MSMO1: variants seen among roughly 807,000 people sequenced by gnomAD.
MSMO1 encodes C-4 methylsterol oxidase.
MSMO1 carries 18 observed loss-of-function variants against 30.4 expected under a neutral mutation model. That is an observed-to-expected ratio of 0.59 (90% CI 0.41 to 0.88). The LOEUF is 0.88. MSMO1 is among the 40% of genes least tolerant of loss of function. MSMO1 has a pLI of 0.00. For missense variants in MSMO1, 284 were observed against 340.5 expected (o/e 0.83, Z 1.31); for synonymous variants, 84 against 107.9 (o/e 0.78, Z 1.37).
At chr4:165,339,121 T>TTTTTTA (rs869039733) in intron 4 of MSMO1, among the ~76,000 whole-genome samples, 5 of 146,790 alleles carry the variant, frequency 3.4e-5, no homozygotes, top group African/African-American at 5.0e-5. Context: ...TTTTTTTTTT[T>TTTTTTA]GAGATAGAGT....
At position 165,342,095 on chromosome 4, in the gene MSMO1, T is replaced by C; in HGVS notation, c.*149T>C. The C allele has an allele frequency of 1.5e-6, 1 of 661,328 alleles. No individual in the cohort carries two copies. Among genetic ancestry groups the C allele is most frequent in the Middle Eastern group, 4.1e-4 (1 of 2,438 alleles). 41.0% of individuals were successfully genotyped at this position (661,328 alleles called of 1,614,324 possible). ...TAACAACCTTTAATTACCTTCCTAG[T>C]GGGAACTTTTTCTACTTTACCTACA... On this transcript the variant is annotated 3_prime_UTR_variant, in exon 6 of 6. Coordinates refer to ENST00000261507, the MANE Select transcript of MSMO1 (RefSeq NM_006745.5).
At chr4:165,330,280 A>C (rs1229734171) in intron 1 of MSMO1, among the ~76,000 whole-genome samples, 1 of 152,208 alleles carries the variant, frequency 6.6e-6, no homozygotes, top group Admixed American at 6.5e-5. Flanking sequence ...TACCTACCTC[A>C]CGAAGGTGTG....
At chr4:165,328,020 C>T (rs949474240) in intron 1 of MSMO1, 5 of 152,282 alleles carry the variant, frequency 3.3e-5, no homozygotes, top group African/African-American at 9.7e-5. Context: ...GTTTCTTGCC[C>T]TTTAAAATGT....
chr4:165,333,289 T>C, intron 1 of MSMO1, 51 bp from the exon 2 acceptor site: 2 of 1,460,100 alleles, frequency 1.4e-6, no homozygotes, highest in South Asian at 1.3e-5. Context: ...AACTGTTTTA[T>C]TTTTTGAAAG....
intron 4 of MSMO1, 38 bp from the exon 5 acceptor site, chr4:165,340,183 A>T: frequency 6.3e-6 from 10 of 1,598,988 alleles, no homozygotes; most frequent in Non-Finnish European, 6.8e-6. Context: ...CCATCACAAT[A>T]GCTAAGAAAT....
In MSMO1 at chr4:165,329,034, G is replaced by A. The variant is rs558631774; in HGVS notation, c.-32+1270G>A. On this transcript the variant is annotated intron_variant, in intron 1 of 5. Coordinates refer to ENST00000261507, the MANE Select transcript of MSMO1 (RefSeq NM_006745.5). ...AGTAAACTTGGATAATTAGATCCTG[G>A]AGTTTAGGGGAGAGGGCTAGAGATA... Among the ~76,000 whole-genome samples, 6 of 152,320 alleles carry A rather than the reference G, an allele frequency of 3.9e-5. No individual in the cohort carries two copies. In the South Asian group the frequency reaches 1.2e-3, roughly 32 times the overall value.
At position 165,342,225 on chromosome 4, in the gene MSMO1, A is replaced by G. The variant is rs930767138; in HGVS notation, c.*279A>G. ...AGCTTCCAAGAAGGTTTTGGATACT[A>G]GAAGTATTAATCTATGGCTTTTCTC... On this transcript the variant is annotated 3_prime_UTR_variant, in exon 6 of 6. Coordinates refer to ENST00000261507, the MANE Select transcript of MSMO1 (RefSeq NM_006745.5). The G allele has an allele frequency of 6.0e-6, 2 of 333,046 alleles. No individual in the cohort carries two copies. The highest frequency in any genetic ancestry group is 1.1e-5 in the Non-Finnish European group (2 of 178,810). The allele number at this position is 333,046 out of a possible 1,614,324, so 20.6% of individuals were successfully genotyped here. A position where few individuals can be genotyped will look rare whatever the true frequency, so the allele number is the denominator to read the frequency against.
chr4:165,336,449 A>G (rs145514244), intron 2 of MSMO1, among the ~76,000 whole-genome samples: 1 of 152,292 alleles, frequency 6.6e-6, no homozygotes, highest in Non-Finnish European at 1.5e-5. Context: ...TAATTTATGT[A>G]TACTGTAAAT....
chr4:165,328,791 G>A (rs760379871), intron 1 of MSMO1, among the ~76,000 whole-genome samples: 1 of 152,240 alleles, frequency 6.6e-6, no homozygotes, highest in Non-Finnish European at 1.5e-5. Flanking sequence ...TTTGTGAAAA[G>A]TAAATTCCTG....
intron 4 of MSMO1, 56 bp downstream of exon 4, chr4:165,338,834 T>A: frequency 7.0e-7 from 1 of 1,420,980 alleles, no homozygotes. Flanking sequence ...CTATTTTAAT[T>A]GCCTGAGCAT....
chr4:165,338,304 G>GTA (rs749159995), intron 3 of MSMO1, among the ~76,000 whole-genome samples: 99 of 101,806 alleles, frequency 9.7e-4, no homozygotes, highest in Non-Finnish European at 1.7e-3. Context: ...AAATATGTAT[G>GTA]TGTATATATA....
chr4:165,329,778 G>A (rs4361344), intron 1 of MSMO1, among the ~76,000 whole-genome samples: 8,146 of 151,900 alleles, frequency 0.054, 291 homozygotes, highest in East Asian at 0.095. Flanking sequence ...GGAATTACAG[G>A]CATACGCCAC....
chr4:165,340,472 A>G, intron 5 of MSMO1, 97 bp downstream of exon 5: 1 of 1,037,538 alleles, frequency 9.6e-7, no homozygotes, highest in Admixed American at 2.0e-5. Flanking sequence ...TAATAGGAGA[A>G]GTTAATCTTC....
intron 1 of MSMO1, 168 bp downstream of exon 1, chr4:165,327,932 T>C (rs1426131128): frequency 3.9e-5 from 6 of 152,268 alleles, no homozygotes; most frequent in Non-Finnish European, 8.8e-5. Flanking sequence ...GGAGTGAAGG[T>C]GGGCCTAGGC....
chr4:165,328,779 C>T (rs1747307487), intron 1 of MSMO1, among the ~76,000 whole-genome samples: 1 of 152,220 alleles, frequency 6.6e-6, no homozygotes, highest in Non-Finnish European at 1.5e-5. Context: ...TTCCCTCGCT[C>T]CTTTGTGAAA....
intron 2 of MSMO1, 121 bp from the exon 3 acceptor site, chr4:165,337,668 G>T: frequency 1.0e-6 from 1 of 966,040 alleles, no homozygotes; most frequent in Non-Finnish European, 1.6e-6. Flanking sequence ...CTGAGTCTTA[G>T]TTATATAAAG....
chr4:165,335,230 A>G (rs1364306326), intron 2 of MSMO1, among the ~76,000 whole-genome samples: 2 of 152,218 alleles, frequency 1.3e-5, no homozygotes, highest in Non-Finnish European at 2.9e-5. Context: ...ATTCTCTGTT[A>G]TCATTCTGTT....
chr4:165,328,464 G>A lies in MSMO1; in HGVS notation c.-32+700G>A, dbSNP rs560845881. On this transcript the variant is annotated intron_variant, in intron 1 of 5. Coordinates refer to ENST00000261507, the MANE Select transcript of MSMO1 (RefSeq NM_006745.5). Reference sequence around the variant, plus strand: ...TCTGATGTTTAAATTTATATAGATCGTGGCATTGCATCTTAGAAATAAGGT... The same window carrying A: ...TCTGATGTTTAAATTTATATAGATCATGGCATTGCATCTTAGAAATAAGGT... 1.8e-4 allele frequency among the ~76,000 whole-genome samples: 28 copies of A among 152,282 alleles called. 1 individual carries two copies. The highest frequency in any genetic ancestry group is 6.5e-4 in the African/African-American group (27 of 41,562).
intron 1 of MSMO1, among the ~76,000 whole-genome samples, chr4:165,328,833 G>C (rs1264649189): frequency 6.6e-6 from 1 of 152,160 alleles, no homozygotes; most frequent in Non-Finnish European, 1.5e-5. Flanking sequence ...TTCTAAATTG[G>C]GTAAGAGTTT....
Sources: gnomAD v4.1 joint callset for allele counts (sites outside exome capture counted in the v4.1 genomes callset) on GRCh38, gnomAD v4.1.1 for gene constraint, MANE v1.5 for transcripts, NCBI Gene and HGNC (gene_info 2026-07-23, HGNC 2026-07-21) for gene names.